The following KANK1 variants were observed in gnomAD, a reference collection of about 807,000 sequenced individuals.
KANK1 encodes the protein KN motif and ankyrin repeat domains 1, also known as KN motif and ankyrin repeat domain-containing protein 1.
KANK1 carries 109 observed loss-of-function variants against 106.2 expected under a neutral mutation model. The observed-to-expected ratio is 1.03, with a 90% CI of 0.88 to 1.20. KANK1 has a LOEUF of 1.20. KANK1 is among the 50% of genes most tolerant of loss of function. The pLI, the probability that KANK1 is intolerant of heterozygous loss-of-function variation, is 0.00. For missense variants in KANK1, 2,399 were observed against 1,710.7 expected, an observed-to-expected ratio of 1.40 and a Z score of -7.10; for synonymous variants, 873 against 652.2, an observed-to-expected ratio of 1.34 and a Z score of -5.16.
chr9:688,585 C>G (rs1003400398), intron 2 of KANK1, among the ~76,000 whole-genome samples: 1 of 145,078 alleles, frequency 6.9e-6, no homozygotes, highest in Non-Finnish European at 1.5e-5. Flanking sequence ...AGCGACAGAG[C>G]GAGACTCTGT....
chr9:531,421 A>C (rs911205527), intron 1 of KANK1, among the ~76,000 whole-genome samples: 11 of 152,336 alleles, frequency 7.2e-5, no homozygotes, highest in African/African-American at 2.6e-4. Context: ...ACAGAGTGAG[A>C]CCCTGTCTCA....
chr9:706,892 A>G, intron 2 of KANK1: 2 of 985,452 alleles, frequency 2.0e-6, no homozygotes, highest in Non-Finnish European at 2.4e-6. Flanking sequence ...AGTATAGGAA[A>G]AACAGAGCCT....
intron 1 of KANK1, among the ~76,000 whole-genome samples, chr9:663,231 A>T (rs895945989): frequency 8.5e-5 from 13 of 152,152 alleles, no homozygotes; most frequent in African/African-American, 3.1e-4. Flanking sequence ...TACTAAACTA[A>T]CTTATATCTG....
At chr9:684,809 T>G (rs568168143) in intron 2 of KANK1, among the ~76,000 whole-genome samples, 1 of 152,190 alleles carries the variant, frequency 6.6e-6, no homozygotes, top group South Asian at 2.1e-4. Flanking sequence ...CTTTGGCTCC[T>G]TTTCTATAAA....
intron 3 of KANK1, among the ~76,000 whole-genome samples, chr9:729,788 A>G (rs1831706869): frequency 6.6e-6 from 1 of 152,132 alleles, no homozygotes; most frequent in African/African-American, 2.4e-5. Flanking sequence ...GTAAAATGCT[A>G]CTTCCATGAC....
intron 9 of KANK1, among the ~76,000 whole-genome samples, chr9:741,487 CTTTTT>C (rs71314737): frequency 1.8e-5 from 2 of 109,540 alleles, no homozygotes; most frequent in Non-Finnish European, 3.8e-5. Context: ...CCACACCTGG[CTTTTT>C]TTTTTTTTTT....
intron 1 of KANK1, among the ~76,000 whole-genome samples, chr9:610,911 T>C (rs531706384): frequency 1.3e-5 from 2 of 152,262 alleles, no homozygotes; most frequent in South Asian, 4.1e-4. Context: ...TTATAAATGG[T>C]TAACATCGTC....
chr9:628,204 C>G (rs1277524086), intron 1 of KANK1, among the ~76,000 whole-genome samples: 2 of 152,186 alleles, frequency 1.3e-5, no homozygotes, highest in African/African-American at 4.8e-5. Context: ...AGCACTAAGC[C>G]TCAGCCTGCT....
chr9:639,157 C>G (rs923832743), intron 1 of KANK1, among the ~76,000 whole-genome samples: 2 of 152,202 alleles, frequency 1.3e-5, no homozygotes, highest in East Asian at 1.9e-4. Flanking sequence ...CAGGTCTCTT[C>G]AAAGCTGTCA....
At chr9:521,333 G>C (rs973452921) in intron 1 of KANK1, among the ~76,000 whole-genome samples, 5 of 151,458 alleles carry the variant, frequency 3.3e-5, no homozygotes, top group Non-Finnish European at 5.9e-5. Flanking sequence ...GTCTTAGGTA[G>C]CTTCTGTAAT....
chr9:717,278 T>G (rs951813734), intron 3 of KANK1, among the ~76,000 whole-genome samples: 6 of 151,774 alleles, frequency 4.0e-5, no homozygotes, highest in African/African-American at 1.5e-4. Context: ...TGAGACCCTG[T>G]CTCAAAAAAA....
chr9:627,097 G>C (rs1834533243), intron 1 of KANK1, among the ~76,000 whole-genome samples: 1 of 152,174 alleles, frequency 6.6e-6, no homozygotes, highest in South Asian at 2.1e-4. Context: ...GAACAGCACA[G>C]AATTCCTTTC....
At chr9:623,126 C>G (rs1017944702) in intron 1 of KANK1, among the ~76,000 whole-genome samples, 1 of 151,962 alleles carries the variant, frequency 6.6e-6, no homozygotes. Context: ...AGGTAACATA[C>G]AGGCTGGGAG....
At chr9:674,532 G>C (rs980591057) in intron 1 of KANK1, among the ~76,000 whole-genome samples, 3 of 152,114 alleles carry the variant, frequency 2.0e-5, no homozygotes, top group Non-Finnish European at 2.9e-5. Context: ...CTCACCCTGT[G>C]TGATCAAAGC....
At chr9:596,364 C>G (rs866604798) in intron 1 of KANK1, among the ~76,000 whole-genome samples, 1 of 151,852 alleles carries the variant, frequency 6.6e-6, no homozygotes, top group African/African-American at 2.4e-5. Context: ...GGGTGTAGAA[C>G]TTCTTTTAAT....
At chr9:479,968 C>T (rs933923049) in intron 3 of KANK1, among the ~76,000 whole-genome samples, 3 of 152,138 alleles carry the variant, frequency 2.0e-5, no homozygotes, top group Admixed American at 6.5e-5. Context: ...TTCCTGAAAA[C>T]AGAAAAATAT....
intron 3 of KANK1, among the ~76,000 whole-genome samples, chr9:491,562 C>A (rs184465804): frequency 1.3e-5 from 2 of 152,006 alleles, no homozygotes; most frequent in African/African-American, 4.8e-5. Flanking sequence ...CCACTGTGCC[C>A]GGCCTGGAGT....
intron 3 of KANK1, among the ~76,000 whole-genome samples, chr9:490,853 C>T (rs2058366541): frequency 6.7e-6 from 1 of 149,650 alleles, no homozygotes; most frequent in Admixed American, 6.7e-5. Flanking sequence ...CACAGGAAAA[C>T]AAATATAAAC....
chr9:678,437 G>C (rs1816833272), intron 2 of KANK1, among the ~76,000 whole-genome samples: 1 of 152,112 alleles, frequency 6.6e-6, no homozygotes, highest in South Asian at 2.1e-4. Flanking sequence ...AATGAAGTAA[G>C]AAAAATCAGA....
Sources: gnomAD v4.1 joint callset for allele counts (sites outside exome capture counted in the v4.1 genomes callset) on GRCh38, gnomAD v4.1.1 for gene constraint, MANE v1.5 for transcripts, NCBI Gene and HGNC (gene_info 2026-07-23, HGNC 2026-07-21) for gene names.